Variants in DLC1 observed in about 807,000 individuals in gnomAD.
DLC1 encodes the protein rho GTPase-activating protein 7.
A neutral mutation model predicts 140.3 loss-of-function variants in DLC1; 54 were observed. That is an observed-to-expected ratio of 0.38 (90% confidence interval 0.31 to 0.48). The LOEUF (loss-of-function observed/expected upper bound fraction) is 0.48, where lower values mean the gene tolerates loss of function less well. Ranked by LOEUF, DLC1 falls within the 20% of genes least tolerant of loss-of-function variation. The pLI is 0.96. For synonymous variants in DLC1, 986 were observed against 728.1 expected, an observed-to-expected ratio of 1.35 and a Z score of -5.70; for missense variants, 2,536 against 1,907.0, an observed-to-expected ratio of 1.33 and a Z score of -6.14.
At chr8:13,586,917 G>C (rs1285796756) in intron 1 of DLC1, among the ~76,000 whole-genome samples, 1 of 152,066 alleles carries the variant, frequency 6.6e-6, no homozygotes, top group Non-Finnish European at 1.5e-5. Context: ...CAACAACTAA[G>C]TAAGACCCAC....
In DLC1 at chr8:13,088,684, C is replaced by G; in HGVS notation, c.4095G>C (p.Leu1365=). The change falls in exon 16 of 18, where the codon CTG becomes CTC. Residue 1365 remains leucine, a synonymous_variant. Transcript: ENST00000276297. ...CTTCAATGACTGACCTCCAAAGCCT[C>G]AGAGGGGGTCCTTCGCTCACCTGGA... ...SYKKVSEGPP[L]RLWRSVIEVP... is the part of the protein sequence containing the mutation. 1 of 1,614,124 alleles carries G rather than the reference C, an allele frequency of 6.2e-7. No homozygotes were observed. Among genetic ancestry groups the G allele is most frequent in the Non-Finnish European group, 8.5e-7 (1 of 1,180,036 alleles).
intron 4 of DLC1, among the ~76,000 whole-genome samples, chr8:13,361,437 C>G (rs1835220632): frequency 6.6e-6 from 1 of 151,200 alleles, no homozygotes; most frequent in African/African-American, 2.4e-5. Flanking sequence ...TTTTTAATTT[C>G]TTTTTTATCT....
At chr8:13,421,521 C>T (rs530563507) in intron 2 of DLC1, among the ~76,000 whole-genome samples, 1 of 152,202 alleles carries the variant, frequency 6.6e-6, no homozygotes, top group East Asian at 1.9e-4. Flanking sequence ...GCATAAACAG[C>T]TATGAGGACA....
intron 4 of DLC1, among the ~76,000 whole-genome samples, chr8:13,312,584 A>T (rs1418395183): frequency 6.6e-6 from 1 of 151,930 alleles, no homozygotes; most frequent in Non-Finnish European, 1.5e-5. Context: ...TTAATAAATC[A>T]TGTCTTTCTC....
intron 5 of DLC1, among the ~76,000 whole-genome samples, chr8:13,194,463 C>T (rs1341633652): frequency 6.6e-6 from 1 of 152,118 alleles, no homozygotes; most frequent in Non-Finnish European, 1.5e-5. Context: ...ATCAGGCAGT[C>T]CTGGAGTAAA....
Position 13,312,267 on chromosome 8 carries a change from A to C in DLC1, c.1315-6965T>G, listed in dbSNP as rs375505064. On this transcript the variant is annotated intron_variant, in intron 4 of 17. Transcript: ENST00000276297. ...TCCCAGCTACTCGGGAGGCTGAGGCAGGAGAATGGCGTGAACCCGGGAGGC... is the reference window on the plus strand; with the variant it reads ...TCCCAGCTACTCGGGAGGCTGAGGCCGGAGAATGGCGTGAACCCGGGAGGC... Among the ~76,000 whole-genome samples the C allele has an allele frequency of 1.2e-3, 158 of 127,700 alleles. 8 individuals are homozygous for C. Among genetic ancestry groups the C allele is most frequent in the Admixed American group, 9.1e-3 (105 of 11,482 alleles). 83.8% of individuals were successfully genotyped at this position (127,700 alleles called of 152,430 possible).
intron 1 of DLC1, chr8:13,567,935 T>C: frequency 6.5e-7 from 1 of 1,547,778 alleles, no homozygotes; most frequent in Non-Finnish European, 8.7e-7. Context: ...CTGGTGATTG[T>C]TAATGATAAT....
chr8:13,371,524 A>G (rs532590758), intron 4 of DLC1, among the ~76,000 whole-genome samples: 1 of 151,360 alleles, frequency 6.6e-6, no homozygotes, highest in Non-Finnish European at 1.5e-5. Flanking sequence ...ATTGGAGCCA[A>G]CTGCTAGTCC....
chr8:13,358,984 G>A (rs1032531052), intron 4 of DLC1, among the ~76,000 whole-genome samples: 1 of 114,938 alleles, frequency 8.7e-6, no homozygotes, highest in African/African-American at 3.8e-5. Flanking sequence ...TGTCGCCCAC[G>A]CTGGAGTGCA....
chr8:13,306,383 T>C (rs140258409), intron 4 of DLC1, among the ~76,000 whole-genome samples: 2 of 152,284 alleles, frequency 1.3e-5, no homozygotes, highest in Non-Finnish European at 2.9e-5. Context: ...TACTCACGTA[T>C]AAAATATAGT....
intron 1 of DLC1, among the ~76,000 whole-genome samples, chr8:13,521,408 T>TAAAAAA (rs376802924): frequency 7.7e-6 from 1 of 129,536 alleles, no homozygotes; most frequent in Admixed American, 9.9e-5. Flanking sequence ...AACTTAAAAT[T>TAAAAAA]AAAAAAAAAA....
In DLC1 at chr8:13,401,726, G is replaced by A. The variant is rs1837310186; in HGVS notation, c.1024-107C>T. 3.6e-6 allele frequency: 5 copies of A among 1,383,124 alleles called. No individual in the cohort carries two copies. The Admixed American group carries it at 7.0e-5, about 19-fold the overall frequency. 85.7% of individuals were successfully genotyped at this position (1,383,124 alleles called of 1,614,324 possible). Reference sequence around the variant, plus strand: ...CAAAAAGTACACTGGATAATAGGCAGTCTTTAATTAGAAGAGAAGTTCCAT... The same window carrying A: ...CAAAAAGTACACTGGATAATAGGCAATCTTTAATTAGAAGAGAAGTTCCAT... On this transcript the variant is annotated intron_variant, in intron 2 of 17. Coordinates refer to ENST00000276297, the MANE Select transcript of DLC1 (RefSeq NM_182643.3).
At chr8:13,105,860 G>A (rs1023683390) in intron 7 of DLC1, among the ~76,000 whole-genome samples, 1 of 152,174 alleles carries the variant, frequency 6.6e-6, no homozygotes, top group Non-Finnish European at 1.5e-5. Flanking sequence ...TCACAGGCAT[G>A]AGCCACTGCA....
chr8:13,109,851 C>T (rs1160824992), intron 7 of DLC1, among the ~76,000 whole-genome samples: 2 of 152,082 alleles, frequency 1.3e-5, no homozygotes, highest in African/African-American at 4.8e-5. Flanking sequence ...CGCCACTGCA[C>T]TCCAGCCTGG....
intron 2 of DLC1, among the ~76,000 whole-genome samples, chr8:13,463,167 A>G (rs529594150): frequency 6.6e-6 from 1 of 151,970 alleles, no homozygotes; most frequent in African/African-American, 2.4e-5. Flanking sequence ...CATTTAGGGA[A>G]CTACACAACA....
chr8:13,524,934 A>C (rs537355886), intron 1 of DLC1, among the ~76,000 whole-genome samples: 1 of 152,316 alleles, frequency 6.6e-6, no homozygotes, highest in South Asian at 2.1e-4. Flanking sequence ...CAAACAAAAT[A>C]ATGAACATAT....
At chr8:13,114,104 G>C (rs1213996715) in intron 6 of DLC1, among the ~76,000 whole-genome samples, 2 of 152,248 alleles carry the variant, frequency 1.3e-5, no homozygotes, top group Non-Finnish European at 2.9e-5. Flanking sequence ...GCTCATGTCT[G>C]TAATCCCAGC....
intron 2 of DLC1, among the ~76,000 whole-genome samples, chr8:13,479,074 C>A (rs988666233): frequency 6.6e-6 from 1 of 152,142 alleles, no homozygotes; most frequent in African/African-American, 2.4e-5. Flanking sequence ...TTCATTCCAC[C>A]CCTTAGTTGG....
intron 1 of DLC1, among the ~76,000 whole-genome samples, chr8:13,538,811 T>G (rs1183839288): frequency 1.3e-5 from 2 of 152,208 alleles, no homozygotes; most frequent in African/African-American, 4.8e-5. Context: ...ATAACCTCAC[T>G]GTATGTGAGC....
Sources: allele counts gnomAD v4.1 joint callset (sites outside exome capture counted in the v4.1 genomes callset), GRCh38; gene constraint gnomAD v4.1.1; transcripts MANE v1.5; gene names NCBI Gene and HGNC (gene_info 2026-07-23, HGNC 2026-07-21).